The following CNTNAP2 variants were observed in gnomAD, a reference collection of about 807,000 sequenced individuals.
The protein encoded by CNTNAP2 is contactin-associated protein-like 2.
CNTNAP2 carries 98 observed loss-of-function variants against 155.2 expected under a neutral mutation model. That is an observed-to-expected ratio of 0.63 (90% CI 0.54 to 0.75). CNTNAP2 has a LOEUF of 0.75. Ranked by LOEUF, CNTNAP2 falls within the 30% of genes least tolerant of loss-of-function variation. The probability of loss-of-function intolerance (pLI) is 0.00; values close to 1 mark genes in which losing one functional copy is unlikely to be tolerated. For missense variants in CNTNAP2, 1,727 were observed against 1,688.1 expected (o/e 1.02, Z -0.40); for synonymous variants, 651 against 631.2 (o/e 1.03, Z -0.47).
intron 1 of CNTNAP2, among the ~76,000 whole-genome samples, chr7:146,705,207 T>C (rs967486949): frequency 1.3e-5 from 2 of 152,110 alleles, no homozygotes; most frequent in African/African-American, 4.8e-5. Context: ...CATCATCAGT[T>C]TGAATAGGGC....
At chr7:147,283,211 G>A (rs765418516) in intron 8 of CNTNAP2, among the ~76,000 whole-genome samples, 12 of 151,502 alleles carry the variant, frequency 7.9e-5, no homozygotes, top group Admixed American at 2.0e-4. Context: ...ACATTTTAAG[G>A]TATTTTTATG....
At chr7:148,101,790 G>C (rs1178415584) in intron 15 of CNTNAP2, among the ~76,000 whole-genome samples, 1 of 152,170 alleles carries the variant, frequency 6.6e-6, no homozygotes, top group Admixed American at 6.6e-5. Flanking sequence ...CATCTACTCA[G>C]TTTCAGATTA....
intron 10 of CNTNAP2, among the ~76,000 whole-genome samples, chr7:147,431,984 T>C (rs1270064954): frequency 6.6e-6 from 1 of 152,204 alleles, no homozygotes; most frequent in East Asian, 1.9e-4. Context: ...TATATCTGGG[T>C]TTGTTTAACA....
chr7:146,281,457 C>T (rs1416136151), intron 1 of CNTNAP2, among the ~76,000 whole-genome samples: 4 of 152,126 alleles, frequency 2.6e-5, no homozygotes, highest in Non-Finnish European at 5.9e-5. Context: ...CTGATTCGTA[C>T]CTCAGTCTTA....
chr7:146,676,196 A>G (rs1375397011), intron 1 of CNTNAP2, among the ~76,000 whole-genome samples: 2 of 152,304 alleles, frequency 1.3e-5, no homozygotes, highest in South Asian at 4.1e-4. Flanking sequence ...TTTTTCATGT[A>G]ATTTAATGAT....
chr7:146,355,298 G>A (rs1240398811), intron 1 of CNTNAP2, among the ~76,000 whole-genome samples: 1 of 152,134 alleles, frequency 6.6e-6, no homozygotes, highest in Non-Finnish European at 1.5e-5. Context: ...GTAGGTTTAT[G>A]TCTAATTAGC....
chr7:148,271,478 T>C (rs6958974), intron 21 of CNTNAP2, among the ~76,000 whole-genome samples: 17 of 151,958 alleles, frequency 1.1e-4, no homozygotes, highest in Admixed American at 2.6e-4. Context: ...AACCACAGGC[T>C]TCAAGCTACT....
intron 3 of CNTNAP2, among the ~76,000 whole-genome samples, chr7:147,005,068 C>A (rs1798501225): frequency 6.6e-6 from 1 of 152,002 alleles, no homozygotes; most frequent in South Asian, 2.1e-4. Flanking sequence ...TCTCCGGAGG[C>A]AGGATCAAAA....
At chr7:146,798,706 C>A (rs1285151998) in intron 2 of CNTNAP2, among the ~76,000 whole-genome samples, 1 of 152,108 alleles carries the variant, frequency 6.6e-6, no homozygotes, top group Non-Finnish European at 1.5e-5. Context: ...TAACAACTGA[C>A]AATGTAACTA....
intron 3 of CNTNAP2, among the ~76,000 whole-genome samples, chr7:146,873,638 T>G (rs1269398160): frequency 6.6e-6 from 1 of 151,968 alleles, no homozygotes; most frequent in Non-Finnish European, 1.5e-5. Flanking sequence ...ATGGGGTGTA[T>G]GAGAAGAATA....
chr7:146,341,739 T>G (rs1794732645), intron 1 of CNTNAP2, among the ~76,000 whole-genome samples: 3 of 151,948 alleles, frequency 2.0e-5, no homozygotes, highest in Admixed American at 2.0e-4. Flanking sequence ...AAAAAACCCC[T>G]GAAAAACAAA....
chr7:147,940,188 C>A (rs1800692546), intron 14 of CNTNAP2: 1 of 150,826 alleles, frequency 6.6e-6, no homozygotes, highest in East Asian at 2.0e-4. Context: ...GAGGGGTGAA[C>A]CAAGCCAAGT....
chr7:146,564,344 T>C (rs1798324834), intron 1 of CNTNAP2, among the ~76,000 whole-genome samples: 1 of 152,040 alleles, frequency 6.6e-6, no homozygotes, highest in South Asian at 2.1e-4. Flanking sequence ...AATAATTAAT[T>C]TCTCTACACC....
chr7:146,879,177 C>T (rs748887689), intron 3 of CNTNAP2, among the ~76,000 whole-genome samples: 3 of 152,140 alleles, frequency 2.0e-5, no homozygotes, highest in Non-Finnish European at 2.9e-5. Context: ...ATTTTCCCAT[C>T]ACTGCATACT....
intron 1 of CNTNAP2, among the ~76,000 whole-genome samples, chr7:146,346,479 C>G (rs1471686171): frequency 6.6e-6 from 1 of 152,140 alleles, no homozygotes; most frequent in African/African-American, 2.4e-5. Flanking sequence ...GTCAGGAGTT[C>G]AAAATCAGCC....
At chr7:146,261,342 A>G (rs1799916596) in intron 1 of CNTNAP2, among the ~76,000 whole-genome samples, 1 of 151,776 alleles carries the variant, frequency 6.6e-6, no homozygotes, top group Non-Finnish European at 1.5e-5. Context: ...AAGTTCCCAC[A>G]ATTTTTCTAT....
chr7:146,267,887 T>A (rs1184598416), intron 1 of CNTNAP2, among the ~76,000 whole-genome samples: 1 of 152,220 alleles, frequency 6.6e-6, no homozygotes, highest in African/African-American at 2.4e-5. Context: ...AGTCCCCATT[T>A]GCTCTATATC....
intron 10 of CNTNAP2, among the ~76,000 whole-genome samples, chr7:147,479,711 A>T (rs1288668583): frequency 6.6e-6 from 1 of 151,042 alleles, no homozygotes; most frequent in African/African-American, 2.4e-5. Context: ...AATGATTAAT[A>T]GATGTAGACC....
intron 18 of CNTNAP2, among the ~76,000 whole-genome samples, chr7:148,212,171 G>C (rs183917475): frequency 7.5e-4 from 113 of 151,502 alleles, no homozygotes; most frequent in African/African-American, 2.2e-3. Context: ...TGTAAGCCTC[G>C]GGGATTTGGT....
Sources: gnomAD v4.1 joint callset for allele counts (sites outside exome capture counted in the v4.1 genomes callset) on GRCh38, gnomAD v4.1.1 for gene constraint, MANE v1.5 for transcripts, NCBI Gene and HGNC (gene_info 2026-07-23, HGNC 2026-07-21) for gene names.